MRTFB: variants seen among roughly 807,000 people sequenced by gnomAD.
MRTFB encodes the protein myocardin related transcription factor B, also known as myocardin-related transcription factor B.
In MRTFB, 29 loss-of-function variants were observed where a neutral mutation model predicts 104.2. The observed-to-expected ratio is 0.28, with a 90% CI of 0.21 to 0.38. The LOEUF (loss-of-function observed/expected upper bound fraction) is 0.38. Among genes scored for constraint, MRTFB ranks in the 10% least tolerant of loss-of-function variants. The probability of loss-of-function intolerance (pLI) is 1.00; values close to 1 mark genes in which losing one functional copy is unlikely to be tolerated. For synonymous variants in MRTFB, 535 were observed against 519.5 expected (o/e 1.03, Z -0.41); for missense variants, 1,270 against 1,341.6 (o/e 0.95, Z 0.83).
intron 2 of MRTFB, among the ~76,000 whole-genome samples, chr16:14,116,299 G>C (rs953779740): frequency 4.6e-5 from 7 of 151,754 alleles, no homozygotes; most frequent in African/African-American, 1.7e-4. Context: ...TATTTTTCAG[G>C]TCTTGGATTA....
chr16:14,226,019 G>C (rs559758566), intron 8 of MRTFB, among the ~76,000 whole-genome samples: 54 of 152,222 alleles, frequency 3.5e-4, no homozygotes, highest in African/African-American at 1.2e-3. Flanking sequence ...AGACACTCTT[G>C]GCCATGCGAC....
chr16:14,177,743 A>G lies in MRTFB; in HGVS notation c.155-32500A>G, dbSNP rs1226769211. ...GAGGCTGAAGAGGGAAGATTGCTTC[A>G]GCCCAGGAGGTCGAGGCTGCAGCGA... On this transcript the variant is annotated intron_variant, in intron 3 of 16. Coordinates refer to ENST00000571589, the MANE Select transcript of MRTFB (RefSeq NM_001308142.2). The surrounding 1 kb of genome is among the most constrained non-coding windows in gnomAD (Gnocchi z 4.7). 6.6e-6 allele frequency among the ~76,000 whole-genome samples: 1 copy of G among 152,176 alleles called. No homozygotes were observed. The highest frequency in any genetic ancestry group is 1.5e-5 in the Non-Finnish European group (1 of 68,042).
chr16:14,073,593 T>A (rs2033864639), intron 1 of MRTFB, among the ~76,000 whole-genome samples: 1 of 152,244 alleles, frequency 6.6e-6, no homozygotes, highest in East Asian at 1.9e-4. Context: ...TTAGTACCTG[T>A]GTCCCTCTGT....
chr16:14,188,452 G>GATT (rs535005430), intron 3 of MRTFB, among the ~76,000 whole-genome samples: 274 of 152,224 alleles, frequency 1.8e-3, no homozygotes, highest in Non-Finnish European at 3.1e-3. Context: ...ACAGCAATGG[G>GATT]ATTAAGGCAC....
chr16:14,003,098 G>C, the MRTFB span, among the ~76,000 whole-genome samples: 2 of 152,046 alleles, frequency 1.3e-5, no homozygotes, highest in African/African-American at 4.8e-5. Flanking sequence ...GGTCCCCCTT[G>C]AGCTATTGAG....
At chr16:14,017,258 A>T in the MRTFB span, among the ~76,000 whole-genome samples, 1 of 151,656 alleles carries the variant, frequency 6.6e-6, no homozygotes, top group Non-Finnish European at 1.5e-5. Flanking sequence ...GGGTTTCACC[A>T]TGTTAGCCAG....
At chr16:14,006,519 A>C in the MRTFB span, among the ~76,000 whole-genome samples, 4 of 150,882 alleles carry the variant, frequency 2.7e-5, no homozygotes, top group African/African-American at 9.8e-5. Flanking sequence ...TCTCAAAAAA[A>C]AAAAAAGAAA....
chr16:14,025,432 C>T, the MRTFB span, among the ~76,000 whole-genome samples: 1 of 152,182 alleles, frequency 6.6e-6, no homozygotes, highest in Non-Finnish European at 1.5e-5. Flanking sequence ...CCAGTTGTAT[C>T]TTAGTTTGCT....
intron 3 of MRTFB, among the ~76,000 whole-genome samples, chr16:14,207,855 A>G (rs900272666): frequency 6.6e-6 from 1 of 152,224 alleles, no homozygotes; most frequent in Non-Finnish European, 1.5e-5. Flanking sequence ...GGAACCTCCC[A>G]ACTTTATAAC....
At chr16:14,172,249 A>G (rs1291527206) in intron 3 of MRTFB, among the ~76,000 whole-genome samples, 1 of 152,024 alleles carries the variant, frequency 6.6e-6, no homozygotes, top group Non-Finnish European at 1.5e-5. Context: ...ACAAGCAGCT[A>G]TATTTTATTT....
At chr16:14,233,525 T>C (rs757668028) in intron 8 of MRTFB, among the ~76,000 whole-genome samples, 6 of 152,086 alleles carry the variant, frequency 3.9e-5, no homozygotes, top group African/African-American at 1.4e-4. Flanking sequence ...CAGTGGCTCA[T>C]GGGTGTAATC....
At chr16:14,033,947 A>G in the MRTFB span, among the ~76,000 whole-genome samples, 1 of 152,108 alleles carries the variant, frequency 6.6e-6, no homozygotes, top group Non-Finnish European at 1.5e-5. Context: ...AGGGCTAGGC[A>G]ATGGAGGAAC....
chr16:14,045,011 T>G, the MRTFB span, among the ~76,000 whole-genome samples: 1 of 152,152 alleles, frequency 6.6e-6, no homozygotes, highest in South Asian at 2.1e-4. Flanking sequence ...CCAAATTTCA[T>G]CTGGGGTCTG....
At chr16:14,258,813 C>T (rs2043629096) in intron 16 of MRTFB, among the ~76,000 whole-genome samples, 2 of 152,106 alleles carry the variant, frequency 1.3e-5, no homozygotes, top group Admixed American at 1.3e-4. Flanking sequence ...AATATGAAGT[C>T]TTAGATTTAT....
intron 2 of MRTFB, among the ~76,000 whole-genome samples, chr16:14,115,316 CCTA>C (rs2036488632): frequency 6.6e-6 from 1 of 152,128 alleles, no homozygotes; most frequent in Admixed American, 6.5e-5. Flanking sequence ...TTCCCCAAAT[CCTA>C]CTACTTCAAG....
At chr16:14,252,067 C>T (rs1486892793) in intron 14 of MRTFB, 44 bp downstream of exon 14, 2 of 1,595,084 alleles carry the variant, frequency 1.3e-6, no homozygotes, top group Non-Finnish European at 1.7e-6. Context: ...GCCGCAGGGG[C>T]ATCAAATCAT....
chr16:14,044,877 A>G, the MRTFB span, among the ~76,000 whole-genome samples: 2 of 152,082 alleles, frequency 1.3e-5, no homozygotes, highest in Non-Finnish European at 2.9e-5. Flanking sequence ...CCTTGCCCCA[A>G]CACTGTCCCA....
intron 6 of MRTFB, among the ~76,000 whole-genome samples, chr16:14,215,621 T>C (rs547480680): frequency 1.3e-5 from 2 of 152,360 alleles, no homozygotes; most frequent in South Asian, 4.1e-4. Context: ...CCAGAGGCAT[T>C]GAAATATCAA....
the MRTFB span, among the ~76,000 whole-genome samples, chr16:14,008,280 A>C: frequency 6.6e-6 from 1 of 152,230 alleles, no homozygotes; most frequent in South Asian, 2.1e-4. Flanking sequence ...TCCATTGACT[A>C]ATCCAAGGTC....
Sources: allele counts gnomAD v4.1 joint callset (sites outside exome capture counted in the v4.1 genomes callset), GRCh38; gene constraint gnomAD v4.1.1; non-coding constraint Gnocchi (gnomAD v3.1); transcripts MANE v1.5; gene names NCBI Gene and HGNC (gene_info 2026-07-23, HGNC 2026-07-21).